Variants in PDE4D observed in about 807,000 individuals in gnomAD.
The protein encoded by PDE4D is phosphodiesterase 4D.
In PDE4D, 24 loss-of-function variants were observed where a neutral mutation model predicts 87.4. The ratio of observed to expected loss-of-function variants is 0.27; its 90% CI spans 0.20 to 0.39. PDE4D has a LOEUF of 0.39. Ranked by LOEUF, PDE4D falls within the 10% of genes least tolerant of loss-of-function variation. The pLI, the probability that PDE4D is intolerant of heterozygous loss-of-function variation, is 1.00. For synonymous variants in PDE4D, 384 were observed against 383.2 expected (o/e 1.00, Z -0.02); for missense variants, 714 against 1,041.0 (o/e 0.69, Z 4.32).
chr5:60,112,347 ATCT>A (rs766373952), intron 2 of PDE4D, among the ~76,000 whole-genome samples: 2 of 152,106 alleles, frequency 1.3e-5, no homozygotes, highest in African/African-American at 2.4e-5. Context: ...TACTTTTGAC[ATCT>A]TCTCCATGGA....
intron 2 of PDE4D, chr5:60,127,673 G>A (rs1157546466): frequency 8.4e-6 from 5 of 595,748 alleles, no homozygotes; most frequent in African/African-American, 7.5e-5. Context: ...TCAGGTCGCA[G>A]TAAGCAGGCT....
chr5:59,060,095 C>T (rs1395962671), intron 5 of PDE4D, among the ~76,000 whole-genome samples: 1 of 152,098 alleles, frequency 6.6e-6, no homozygotes, highest in Admixed American at 6.6e-5. Context: ...AATTTGTCAT[C>T]TATCTTTTTA....
At chr5:60,130,773 C>A (rs938279017) in intron 2 of PDE4D, among the ~76,000 whole-genome samples, 6 of 152,130 alleles carry the variant, frequency 3.9e-5, no homozygotes, top group Non-Finnish European at 7.3e-5. Context: ...CACAGACCAT[C>A]ACATTGAGCT....
At chr5:60,218,777 A>C (rs1244922716) in intron 1 of PDE4D, among the ~76,000 whole-genome samples, 3 of 152,088 alleles carry the variant, frequency 2.0e-5, no homozygotes, top group Non-Finnish European at 4.4e-5. Context: ...ATATGTTAAA[A>C]TCATCTTTCT....
chr5:59,378,172 A>T (rs1008458681), intron 1 of PDE4D, among the ~76,000 whole-genome samples: 2 of 152,210 alleles, frequency 1.3e-5, no homozygotes, highest in African/African-American at 2.4e-5. Flanking sequence ...TAGCAAACTA[A>T]TGCAAGAACA....
intron 1 of PDE4D, among the ~76,000 whole-genome samples, chr5:60,485,085 C>T (rs1749031053): frequency 6.6e-6 from 1 of 152,122 alleles, no homozygotes; most frequent in South Asian, 2.1e-4. Flanking sequence ...GTTGGAATCA[C>T]TGATTGTCTT....
chr5:60,371,087 T>C (rs1431672872), intron 1 of PDE4D, among the ~76,000 whole-genome samples: 1 of 152,206 alleles, frequency 6.6e-6, no homozygotes. Flanking sequence ...TAAATTTTTT[T>C]GTACAGAGTT....
intron 1 of PDE4D, among the ~76,000 whole-genome samples, chr5:60,329,396 A>G (rs969842516): frequency 1.3e-5 from 2 of 152,166 alleles, no homozygotes; most frequent in Non-Finnish European, 2.9e-5. Flanking sequence ...CCCTTCCACC[A>G]TGATTGTAGG....
intron 1 of PDE4D, among the ~76,000 whole-genome samples, chr5:59,404,926 C>T (rs1387313753): frequency 1.3e-5 from 2 of 151,712 alleles, no homozygotes; most frequent in African/African-American, 2.4e-5. Context: ...GTTCACTGTA[C>T]ATGTATGAAT....
chr5:59,300,607 C>T (rs1302569452), intron 1 of PDE4D, among the ~76,000 whole-genome samples: 1 of 152,112 alleles, frequency 6.6e-6, no homozygotes, highest in Non-Finnish European at 1.5e-5. Flanking sequence ...TCCCTGATGG[C>T]ATTTTTCCTC....
At chr5:59,829,203 C>T (rs1378268329) in intron 1 of PDE4D, among the ~76,000 whole-genome samples, 2 of 151,948 alleles carry the variant, frequency 1.3e-5, no homozygotes, top group South Asian at 4.2e-4. Flanking sequence ...ATGCAGGATA[C>T]AGTCACAGGA....
At chr5:59,419,046 T>C (rs1426483142) in intron 1 of PDE4D, among the ~76,000 whole-genome samples, 1 of 152,188 alleles carries the variant, frequency 6.6e-6, no homozygotes, top group East Asian at 1.9e-4. Context: ...AAGGAAACAA[T>C]ATATGACTAT....
At chr5:59,047,824 C>T (rs1394323847) in intron 5 of PDE4D, among the ~76,000 whole-genome samples, 2 of 152,164 alleles carry the variant, frequency 1.3e-5, no homozygotes, top group Non-Finnish European at 2.9e-5. Flanking sequence ...GAATTAGATT[C>T]GTGCCATTAT....
intron 2 of PDE4D, among the ~76,000 whole-genome samples, chr5:59,194,151 G>A (rs1230491454): frequency 1.3e-5 from 2 of 152,216 alleles, no homozygotes; most frequent in East Asian, 3.8e-4. Context: ...CCTGGGGTAT[G>A]GGAGCAAGGT....
chr5:59,171,984 A>T (rs866404090), intron 5 of PDE4D, among the ~76,000 whole-genome samples: 6 of 80,934 alleles, frequency 7.4e-5, no homozygotes, highest in East Asian at 5.9e-4. Flanking sequence ...TTATATAATA[A>T]ATATATATTA....
chr5:59,275,615 T>C, intron 1 of PDE4D: 2 of 1,337,892 alleles, frequency 1.5e-6, no homozygotes, highest in Non-Finnish European at 1.9e-6. Flanking sequence ...ATACTGAATT[T>C]ACTCCAGTAC....
chr5:60,168,582 A>G (rs1783140222), intron 2 of PDE4D, among the ~76,000 whole-genome samples: 1 of 152,216 alleles, frequency 6.6e-6, no homozygotes, highest in Non-Finnish European at 1.5e-5. Flanking sequence ...CACAACTTCC[A>G]GTGAATACCA....
chr5:59,959,568 C>T (rs767417578), intron 3 of PDE4D, among the ~76,000 whole-genome samples: 1 of 152,072 alleles, frequency 6.6e-6, no homozygotes, highest in Non-Finnish European at 1.5e-5. Context: ...ACGCCTACAG[C>T]CATCTGATCT....
At chr5:59,686,439 T>C (rs750399848) in intron 1 of PDE4D, among the ~76,000 whole-genome samples, 2 of 152,168 alleles carry the variant, frequency 1.3e-5, no homozygotes, top group Non-Finnish European at 2.9e-5. Flanking sequence ...TCTCAGATTC[T>C]AGAGCCCACT....
Sources: gnomAD v4.1 joint callset for allele counts (sites outside exome capture counted in the v4.1 genomes callset) on GRCh38, gnomAD v4.1.1 for gene constraint, MANE v1.5 for transcripts, NCBI Gene and HGNC (gene_info 2026-07-23, HGNC 2026-07-21) for gene names.